The following B3GAT2 variants were observed in gnomAD, a reference collection of about 807,000 sequenced individuals.
B3GAT2 encodes beta-1,3-glucuronyltransferase 2.
B3GAT2 carries 26 observed loss-of-function variants against 27.8 expected under a neutral mutation model. The observed-to-expected ratio is 0.93, with a 90% CI of 0.68 to 1.30. The LOEUF (loss-of-function observed/expected upper bound fraction) is 1.30. Ranked by LOEUF, B3GAT2 falls within the 50% of genes most tolerant of loss-of-function variation. B3GAT2 has a pLI of 0.00. For synonymous variants in B3GAT2, 218 were observed against 195.1 expected, an observed-to-expected ratio of 1.12 and a Z score of -0.98; for missense variants, 458 against 459.0, an observed-to-expected ratio of 1.00 and a Z score of 0.02.
At chr6:70,891,748 TTGTG>T (rs147352529) in intron 2 of B3GAT2, among the ~76,000 whole-genome samples, 3,585 of 144,612 alleles carry the variant, frequency 0.025, 58 homozygotes, top group Non-Finnish European at 0.033. Flanking sequence ...AGAGCTCAGA[TTGTG>T]TGTGTGTGTG....
chr6:70,882,857 C>A (rs1442277187), intron 2 of B3GAT2, among the ~76,000 whole-genome samples: 2 of 152,168 alleles, frequency 1.3e-5, no homozygotes, highest in Non-Finnish European at 2.9e-5. Context: ...GACCTCCAGC[C>A]TCCAGAACTG....
chr6:70,898,131 T>C (rs2150033408), intron 1 of B3GAT2, among the ~76,000 whole-genome samples: 1 of 152,348 alleles, frequency 6.6e-6, no homozygotes, highest in African/African-American at 2.4e-5. Flanking sequence ...TCAGAGTCAG[T>C]TGGTCAATTT....
intron 1 of B3GAT2, among the ~76,000 whole-genome samples, chr6:70,904,153 T>TAA (rs1772557329): frequency 2.6e-5 from 4 of 152,158 alleles, no homozygotes; most frequent in African/African-American, 9.7e-5. Context: ...CCTCATATAG[T>TAA]GTTATTCCAC....
chr6:70,915,580 G>C (rs974546535), intron 1 of B3GAT2, among the ~76,000 whole-genome samples: 2 of 152,242 alleles, frequency 1.3e-5, no homozygotes. Flanking sequence ...GTTAATTTTT[G>C]TATAAGGTGT....
intron 1 of B3GAT2, among the ~76,000 whole-genome samples, chr6:70,896,614 A>G (rs997882721): frequency 6.6e-6 from 1 of 152,196 alleles, no homozygotes; most frequent in Admixed American, 6.6e-5. Flanking sequence ...TGCATCCTCT[A>G]GAATTTTGTA....
intron 1 of B3GAT2, among the ~76,000 whole-genome samples, chr6:70,952,032 G>A (rs12192052): frequency 5.3e-5 from 8 of 151,832 alleles, no homozygotes; most frequent in African/African-American, 1.2e-4. Flanking sequence ...TTGTAAACTC[G>A]TATATCCTTC....
rs1272862251 is a variant in B3GAT2, at chr6:70,860,382, C to T, written c.*1281G>A. The T allele has an allele frequency of 3.8e-6, 6 of 1,567,726 alleles. No individual in the cohort carries two copies. Among genetic ancestry groups the T allele is most frequent in the Non-Finnish European group, 5.2e-6 (6 of 1,157,658 alleles). On this transcript the variant is annotated 3_prime_UTR_variant, in exon 4 of 4. Transcript: ENST00000230053. Reference sequence around the variant, plus strand: ...CAGAACTACCACCTGACATTCCTTGCTGAAACGCATCTAGTTCCCCTGTTT... The same window carrying T: ...CAGAACTACCACCTGACATTCCTTGTTGAAACGCATCTAGTTCCCCTGTTT...
At chr6:70,884,616 G>T (rs923153158) in intron 2 of B3GAT2, among the ~76,000 whole-genome samples, 1 of 152,170 alleles carries the variant, frequency 6.6e-6, no homozygotes. Context: ...GTAGAAAGGG[G>T]CATCCACGTG....
chr6:70,954,913 G>GCC (rs1765626744), intron 1 of B3GAT2, among the ~76,000 whole-genome samples: 1 of 143,050 alleles, frequency 7.0e-6, no homozygotes, highest in Non-Finnish European at 1.5e-5. Flanking sequence ...TGCCGGGGGC[G>GCC]GCGGGGGGGG....
In B3GAT2 at chr6:70,894,190, C is replaced by T. The variant is rs772064174; in HGVS notation, c.674G>A (p.Gly225Asp). ...RRYERPLVEN[G>D]KVVGWYTGWR... is the part of the protein sequence containing the mutation. ...GCCGGTGTACCAGCCAACAACTTTG[C>T]CGTTTTCCACCAGCGGACGTTCGTA... Residue 225 changes from glycine (G) to aspartate (D), a missense_variant, in exon 2 of 4, where the codon GGC (glycine) becomes GAC (aspartate). Coordinates refer to ENST00000230053, the MANE Select transcript of B3GAT2 (RefSeq NM_080742.3). 36 of 1,613,718 alleles carry T rather than the reference C, an allele frequency of 2.2e-5. No individual in the cohort carries two copies. The highest frequency in any genetic ancestry group is 3.0e-5 in the Non-Finnish European group (35 of 1,179,724).
intron 1 of B3GAT2, among the ~76,000 whole-genome samples, chr6:70,936,858 G>A (rs1765290369): frequency 1.3e-5 from 2 of 152,002 alleles, no homozygotes; most frequent in Admixed American, 6.6e-5. Context: ...AGAAGCAAGA[G>A]CAAACACATT....
intron 1 of B3GAT2, among the ~76,000 whole-genome samples, chr6:70,914,594 T>G (rs1313723755): frequency 6.6e-6 from 1 of 152,226 alleles, no homozygotes; most frequent in Non-Finnish European, 1.5e-5. Context: ...ATTTTGAAAC[T>G]ATTTTTATGA....
chr6:70,887,504 T>G (rs546590486), intron 2 of B3GAT2, among the ~76,000 whole-genome samples: 1 of 152,130 alleles, frequency 6.6e-6, no homozygotes, highest in South Asian at 2.1e-4. Context: ...GATAGTGCCG[T>G]CACTCAGCCC....
At chr6:70,894,080 C>T in intron 2 of B3GAT2, 48 bp downstream of exon 2, 1 of 1,511,458 alleles carries the variant, frequency 6.6e-7, no homozygotes, top group South Asian at 1.4e-5. Context: ...TAAACAAGAG[C>T]ATAAGAACAG....
chr6:70,866,566 G>A (rs535846778), intron 2 of B3GAT2, among the ~76,000 whole-genome samples: 22 of 152,146 alleles, frequency 1.4e-4, no homozygotes, highest in Admixed American at 3.3e-4. Context: ...ACATTGGATG[G>A]GATTAGCAGC....
At chr6:70,936,044 A>T (rs1465471550) in intron 1 of B3GAT2, among the ~76,000 whole-genome samples, 4 of 151,660 alleles carry the variant, frequency 2.6e-5, no homozygotes, top group African/African-American at 9.7e-5. Flanking sequence ...CTCAAAATAA[A>T]AGGATGGAGG....
chr6:70,949,328 G>A (rs1562238647), intron 1 of B3GAT2, among the ~76,000 whole-genome samples: 5 of 152,106 alleles, frequency 3.3e-5, no homozygotes, highest in Non-Finnish European at 4.4e-5. Flanking sequence ...CTAATATCCA[G>A]AATCTACAAT....
intron 1 of B3GAT2, among the ~76,000 whole-genome samples, chr6:70,894,838 T>G (rs1253516417): frequency 6.6e-6 from 1 of 152,218 alleles, no homozygotes; most frequent in African/African-American, 2.4e-5. Context: ...TGCCTGCCTT[T>G]TAAGGGCAAT....
intron 1 of B3GAT2, among the ~76,000 whole-genome samples, chr6:70,949,498 A>T (rs1215056289): frequency 4.0e-5 from 6 of 149,414 alleles, no homozygotes; most frequent in African/African-American, 1.5e-4. Flanking sequence ...TCAAAACCAC[A>T]ATGAGATACC....
Sources: gnomAD v4.1 joint callset for allele counts (sites outside exome capture counted in the v4.1 genomes callset) on GRCh38, gnomAD v4.1.1 for gene constraint, MANE v1.5 for transcripts, NCBI Gene and HGNC (gene_info 2026-07-23, HGNC 2026-07-21) for gene names.